The following ADCY9 variants were observed in gnomAD, a reference collection of about 807,000 sequenced individuals.
The protein encoded by ADCY9 is adenylate cyclase type 9.
ADCY9 carries 50 observed loss-of-function variants against 101.5 expected under a neutral mutation model. That is an observed-to-expected ratio of 0.49 (90% CI 0.39 to 0.62). ADCY9 has a LOEUF of 0.62. ADCY9 is among the 20% of genes least tolerant of loss of function. The pLI is 0.00. For synonymous variants in ADCY9, 905 were observed against 769.3 expected, an observed-to-expected ratio of 1.18 and a Z score of -2.92; for missense variants, 1,662 against 1,800.4, an observed-to-expected ratio of 0.92 and a Z score of 1.39.
intron 2 of ADCY9, among the ~76,000 whole-genome samples, chr16:4,037,932 T>C (rs2056600341): frequency 6.6e-6 from 1 of 152,202 alleles, no homozygotes; most frequent in Non-Finnish European, 1.5e-5. Context: ...ATGGTCTAAA[T>C]GTCCCCCAAA....
chr16:4,065,492 C>T (rs11076806), intron 2 of ADCY9, among the ~76,000 whole-genome samples: 26,372 of 152,148 alleles, frequency 0.17, 2,477 homozygotes, highest in African/African-American at 0.25. Context: ...AGGGCAGGTG[C>T]GAAATCTGAA....
chr16:3,995,118 GA>G (rs1357686685), intron 3 of ADCY9, among the ~76,000 whole-genome samples: 1 of 152,166 alleles, frequency 6.6e-6, no homozygotes, highest in Non-Finnish European at 1.5e-5. Flanking sequence ...TATAAACAAA[GA>G]GTGAAGATAT....
chr16:4,025,375 C>CAAAAA (rs367980802), intron 2 of ADCY9, among the ~76,000 whole-genome samples: 2 of 130,392 alleles, frequency 1.5e-5, no homozygotes, highest in Admixed American at 7.8e-5. Flanking sequence ...ACTCTGTCTC[C>CAAAAA]AAAAAAAAAA....
At position 4,097,553 on chromosome 16, in the gene ADCY9, A is replaced by ATATATATTTT. The variant is rs1382458827; in HGVS notation, c.1693+16196_1693+16197insAAAATATATA. 5.3e-3 allele frequency among the ~76,000 whole-genome samples: 283 copies of ATATATATTTT among 53,392 alleles called. 7 individuals carry two copies. The highest frequency in any genetic ancestry group is 0.015 in the Middle Eastern group (1 of 68). 35.0% of individuals were successfully genotyped at this position (53,392 alleles called of 152,430 possible). A position where few individuals can be genotyped will look rare whatever the true frequency, so the allele number is the denominator to read the frequency against. On this transcript the variant is annotated intron_variant, in intron 2 of 10. Transcript: ENST00000294016. The stretch of plus-strand genomic sequence containing the variant: ...CATATATATATATATATATATATAT[A>ATATATATTTT]TTTTTTTTTTTTTTTTTTAAGACAG...
At chr16:4,087,448 A>C (rs1456678766) in intron 2 of ADCY9, among the ~76,000 whole-genome samples, 1 of 151,346 alleles carries the variant, frequency 6.6e-6, no homozygotes, top group African/African-American at 2.4e-5. Flanking sequence ...AGACATGAGA[A>C]TTGTTTGAAC....
At chr16:4,026,911 A>G (rs956939534) in intron 2 of ADCY9, among the ~76,000 whole-genome samples, 5 of 152,232 alleles carry the variant, frequency 3.3e-5, no homozygotes, top group Non-Finnish European at 4.4e-5. Context: ...CCCAGGTAAC[A>G]AAAGGATCAG....
intron 2 of ADCY9, among the ~76,000 whole-genome samples, chr16:4,022,648 G>T (rs1322354960): frequency 2.6e-5 from 4 of 151,380 alleles, no homozygotes; most frequent in Non-Finnish European, 5.9e-5. Context: ...GAGAAAATAG[G>T]CCAGAGCCAG....
chr16:4,003,262 C>T (rs996912868), intron 3 of ADCY9, among the ~76,000 whole-genome samples: 3 of 152,170 alleles, frequency 2.0e-5, no homozygotes, highest in Non-Finnish European at 4.4e-5. Flanking sequence ...TCCCTCGAAT[C>T]GGAACCGTGG....
intron 2 of ADCY9, among the ~76,000 whole-genome samples, chr16:4,074,892 T>A (rs919264257): frequency 2.0e-5 from 3 of 152,110 alleles, no homozygotes; most frequent in African/African-American, 7.2e-5. Context: ...TACTACTTTA[T>A]GGCCGGGTAT....
Position 3,963,350 on chromosome 16 carries a change from C to T in ADCY9, c.*2425G>A. The T allele has an allele frequency of 5.0e-6, 2 of 398,834 alleles. No homozygotes were observed. The highest frequency in any genetic ancestry group is 4.4e-6 in the Non-Finnish European group (1 of 226,018). 24.7% of individuals were successfully genotyped at this position (398,834 alleles called of 1,614,324 possible). A position where few individuals can be genotyped will look rare whatever the true frequency, so the allele number is the denominator to read the frequency against. The stretch of plus-strand genomic sequence containing the variant: ...TGTCTCCAGCACGATGTGCTCGCTG[C>T]CAACAGACAAGAGATGCACGGCGTT... On this transcript the variant is annotated 3_prime_UTR_variant, in exon 11 of 11. Coordinates refer to ENST00000294016, the MANE Select transcript of ADCY9 (RefSeq NM_001116.4).
At chr16:4,080,460 T>C (rs2056894707) in intron 2 of ADCY9, among the ~76,000 whole-genome samples, 1 of 152,120 alleles carries the variant, frequency 6.6e-6, no homozygotes, top group Non-Finnish European at 1.5e-5. Flanking sequence ...TTTTGCCACG[T>C]TGGCCAGGCT....
At chr16:4,085,353 C>G (rs1236310821) in intron 2 of ADCY9, among the ~76,000 whole-genome samples, 1 of 152,098 alleles carries the variant, frequency 6.6e-6, no homozygotes. Context: ...CAGAGCAAGA[C>G]TCTGCCTCAA....
chr16:4,019,027 G>A (rs998556642), intron 2 of ADCY9, among the ~76,000 whole-genome samples: 2 of 148,262 alleles, frequency 1.3e-5, no homozygotes, highest in African/African-American at 4.9e-5. Context: ...CCAGGCTGCA[G>A]TGCAGTGGCA....
chr16:4,086,683 AG>A (rs2056940892), intron 2 of ADCY9, among the ~76,000 whole-genome samples: 1 of 152,082 alleles, frequency 6.6e-6, no homozygotes, highest in Admixed American at 6.6e-5. Context: ...TTTTTAAGAC[AG>A]GGTCTTACTC....
chr16:4,044,046 G>A (rs1230651944), intron 2 of ADCY9, among the ~76,000 whole-genome samples: 1 of 151,890 alleles, frequency 6.6e-6, no homozygotes, highest in African/African-American at 2.4e-5. Context: ...AAACTACAAA[G>A]AATCTTTTTA....
At chr16:3,987,430 C>A (rs1262965425) in intron 6 of ADCY9, among the ~76,000 whole-genome samples, 1 of 152,214 alleles carries the variant, frequency 6.6e-6, no homozygotes, top group African/African-American at 2.4e-5. Flanking sequence ...CCAGACCACT[C>A]GTGTCCGACC....
intron 2 of ADCY9, among the ~76,000 whole-genome samples, chr16:4,022,015 C>T (rs1297768599): frequency 6.6e-6 from 1 of 152,154 alleles, no homozygotes; most frequent in Non-Finnish European, 1.5e-5. Flanking sequence ...ACAACATAAC[C>T]TTTAATCACT....
intron 2 of ADCY9, among the ~76,000 whole-genome samples, chr16:4,083,655 A>C (rs901019659): frequency 9.2e-5 from 14 of 152,366 alleles, no homozygotes; most frequent in Non-Finnish European, 2.1e-4. Context: ...AACAAAACGC[A>C]ATGGAATATT....
Position 3,992,281 on chromosome 16 carries a change from G to C in ADCY9, c.2072C>G (p.Ser691Cys). Reference protein sequence around the residue: ...QEEKLTNSQTSLCEILQEKGR... With the variant: ...QEEKLTNSQTCLCEILQEKGR... ...CTTCTCCTGCAAGATCTCACACAGA[G>C]AAGTCTGACTGTTGGTGAGCTTCTC... Residue 691 changes from serine (S) to cysteine (C), a missense_variant, in exon 5 of 11, where the codon TCT becomes TGT. Ser to Cys is a moderately radical substitution (Grantham distance 112). Around this residue, in one of 5 missense-constraint regions of ADCY9, gnomAD observed 624 missense variants for 639.1 expected, o/e 0.98. Transcript: ENST00000294016. This position sits in a 1 kb window ranked among gnomAD's most constrained non-coding sequence, Gnocchi z 4.2. 1.2e-6 allele frequency: 2 copies of C among 1,614,212 alleles called. No homozygotes were observed. The highest frequency in any genetic ancestry group is 1.7e-6 in the Non-Finnish European group (2 of 1,180,042).
Sources: allele counts gnomAD v4.1 joint callset (sites outside exome capture counted in the v4.1 genomes callset), GRCh38; gene constraint gnomAD v4.1.1; regional missense constraint gnomAD v4.1.1; non-coding constraint Gnocchi (gnomAD v3.1); transcripts MANE v1.5; gene names NCBI Gene and HGNC (gene_info 2026-07-23, HGNC 2026-07-21).